CRTC3: variants seen among roughly 807,000 people sequenced by gnomAD.
The protein encoded by CRTC3 is CREB-regulated transcription coactivator 3.
Under a neutral mutation model 74.5 loss-of-function variants are expected in CRTC3, and 26 were observed. That is an observed-to-expected ratio of 0.35 (90% CI 0.26 to 0.48). The LOEUF (loss-of-function observed/expected upper bound fraction) is 0.48. Among genes scored for constraint, CRTC3 ranks in the 20% least tolerant of loss-of-function variants. The pLI is 0.99. For missense variants in CRTC3, 760 were observed against 787.3 expected, an observed-to-expected ratio of 0.97 and a Z score of 0.41; for synonymous variants, 377 against 325.8, an observed-to-expected ratio of 1.16 and a Z score of -1.69.
chr15:90,567,691 A>AAATAAAT (rs1967157274), intron 2 of CRTC3, among the ~76,000 whole-genome samples: 1 of 145,570 alleles, frequency 6.9e-6, no homozygotes. Context: ...TCCGTCTCAA[A>AAATAAAT]AAATAAATAA....
intron 2 of CRTC3, among the ~76,000 whole-genome samples, chr15:90,592,000 G>T (rs911792503): frequency 6.6e-6 from 1 of 152,010 alleles, no homozygotes; most frequent in Non-Finnish European, 1.5e-5. Context: ...ACTTTATTTT[G>T]TGAGTTTATA....
At chr15:90,622,248 G>A (rs1004331279) in intron 9 of CRTC3, among the ~76,000 whole-genome samples, 3 of 152,168 alleles carry the variant, frequency 2.0e-5, no homozygotes, top group African/African-American at 4.8e-5. Context: ...TGGTGACTCC[G>A]TTAGGTAGTA....
intron 2 of CRTC3, among the ~76,000 whole-genome samples, chr15:90,582,520 T>G (rs1363362276): frequency 3.3e-5 from 5 of 152,326 alleles, no homozygotes; most frequent in African/African-American, 1.2e-4. Context: ...GATCAACACT[T>G]TGCATTTAAA....
At position 90,630,238 on chromosome 15, in the gene CRTC3, G is replaced by A. The variant is rs566355350; in HGVS notation, c.1266+706G>A. On this transcript the variant is annotated intron_variant, in intron 11 of 14. Coordinates refer to ENST00000268184, the MANE Select transcript of CRTC3 (RefSeq NM_022769.5). ...GGAAAATCAGTCATTGACTCTCTAA[G>A]TACATTAAGCCATAGGGGAAAGCCA... is the stretch of plus-strand genomic sequence containing the variant. Among the ~76,000 whole-genome samples the A allele has an allele frequency of 2.3e-4, 35 of 152,266 alleles. 1 individual carries two copies. In the South Asian group the frequency reaches 5.4e-3, roughly 23 times the overall value.
At chr15:90,639,413 A>C (rs1244452233) in intron 13 of CRTC3, among the ~76,000 whole-genome samples, 1 of 151,566 alleles carries the variant, frequency 6.6e-6, no homozygotes, top group Non-Finnish European at 1.5e-5. Flanking sequence ...CCGATGGATT[A>C]AGGAGTGGAA....
At chr15:90,633,946 A>G (rs1270548534) in intron 11 of CRTC3, among the ~76,000 whole-genome samples, 1 of 151,052 alleles carries the variant, frequency 6.6e-6, no homozygotes, top group Non-Finnish European at 1.5e-5. Flanking sequence ...TTTTAATAGC[A>G]TCATACTTAT....
In CRTC3 at chr15:90,629,143, G is replaced by A. The variant is rs1379854140; in HGVS notation, c.968-91G>A. 2.0e-5 allele frequency: 24 copies of A among 1,219,268 alleles called. No individual in the cohort carries two copies. In the Middle Eastern group the frequency reaches 5.8e-4, roughly 29 times the overall value. The allele number at this position is 1,219,268 out of a possible 1,614,324, so 75.5% of individuals were successfully genotyped here. ...CTCCTTTACCTACAGAATCATCATC[G>A]CATGTGACAGTAGACAGTTTTCTTT... is the stretch of plus-strand genomic sequence containing the variant. On this transcript the variant is annotated intron_variant, in intron 10 of 14. Transcript: ENST00000268184.
At chr15:90,531,797 C>T (rs1173215636) in intron 1 of CRTC3, among the ~76,000 whole-genome samples, 2 of 152,148 alleles carry the variant, frequency 1.3e-5, no homozygotes, top group Non-Finnish European at 2.9e-5. Context: ...TGTACAAATA[C>T]ATGCACTGTA....
At chr15:90,622,430 C>G (rs1968683076) in intron 9 of CRTC3, among the ~76,000 whole-genome samples, 1 of 152,298 alleles carries the variant, frequency 6.6e-6, no homozygotes, top group Non-Finnish European at 1.5e-5. Flanking sequence ...CACCTGATCA[C>G]CCATGGATCT....
Position 90,530,085 on chromosome 15 carries a change from C to A in CRTC3, c.14C>A (p.Pro5Gln). The change falls in exon 1 of 15, where the codon CCG becomes CAG. Residue 5 changes from proline (P) to glutamine (Q), a missense_variant. Physicochemically the swap from Pro to Gln is moderately conservative, Grantham distance 76. Transcript: ENST00000268184. The surrounding 1 kb of genome is among the most constrained non-coding windows in gnomAD (Gnocchi z 6.2). Reference protein sequence around the residue: MAASPGSGSANPRKF... With the variant: MAASQGSGSANPRKF... ...AGAGTCCGCGCCATGGCCGCCTCGC[C>A]GGGCTCGGGCAGCGCCAACCCGCGG... 7.0e-7 allele frequency: 1 copy of A among 1,438,304 alleles called. No individual in the cohort carries two copies. The highest frequency in any genetic ancestry group is 1.2e-5 in the South Asian group (1 of 81,538). The allele number at this position is 1,438,304 out of a possible 1,614,324, so 89.1% of individuals were successfully genotyped here. A position where few individuals can be genotyped will look rare whatever the true frequency, so the allele number is the denominator to read the frequency against.
intron 2 of CRTC3, among the ~76,000 whole-genome samples, chr15:90,576,648 A>G (rs1431925098): frequency 1.3e-5 from 2 of 152,180 alleles, no homozygotes; most frequent in African/African-American, 2.4e-5. Flanking sequence ...CTGGAAAGAA[A>G]CACTCAGAGA....
chr15:90,531,602 A>G (rs1285280265), intron 1 of CRTC3, among the ~76,000 whole-genome samples: 1 of 152,134 alleles, frequency 6.6e-6, no homozygotes, highest in Non-Finnish European at 1.5e-5. Flanking sequence ...CTTATACCCT[A>G]TCAGCTTCAC....
rs1036983164 is a variant in CRTC3, at chr15:90,643,231, G to A, written c.*1091G>A. On this transcript the variant is annotated 3_prime_UTR_variant, in exon 15 of 15. Coordinates refer to ENST00000268184, the MANE Select transcript of CRTC3 (RefSeq NM_022769.5). ...CGTGCAGCGCATGATGAATGAGTGC[G>A]TCCGCCATGCCGTAAGGCAGGCTCA... 2.6e-5 allele frequency: 6 copies of A among 232,452 alleles called. No individual in the cohort carries two copies. The highest frequency in any genetic ancestry group is 3.4e-5 in the Non-Finnish European group (4 of 117,642). 14.4% of individuals were successfully genotyped at this position (232,452 alleles called of 1,614,324 possible).
chr15:90,570,947 GA>G (rs370795115), intron 2 of CRTC3, among the ~76,000 whole-genome samples: 41 of 152,244 alleles, frequency 2.7e-4, no homozygotes, highest in African/African-American at 9.6e-4. Context: ...ATACAGCTAT[GA>G]AAAAAACTAC....
At chr15:90,612,040 TCCTCCTCCTCCTCCTCCGCCTCCA>T (rs1215764437) in intron 6 of CRTC3, among the ~76,000 whole-genome samples, 15 of 115,340 alleles carry the variant, frequency 1.3e-4, no homozygotes, top group Middle Eastern at 4.1e-3. Flanking sequence ...CTCCTCCTCC[TCCTCCTCCTCCTCCTCCGCCTCCA>T]CCTCCTCCTC....
chr15:90,607,042 A>G (rs1400011913), intron 5 of CRTC3, among the ~76,000 whole-genome samples: 1 of 13,300 alleles, frequency 7.5e-5, no homozygotes, highest in African/African-American at 2.4e-4. Flanking sequence ...CCACAGGCTA[A>G]ACTGGCCACA....
intron 2 of CRTC3, among the ~76,000 whole-genome samples, chr15:90,553,207 A>G (rs1261809678): frequency 6.6e-6 from 1 of 152,078 alleles, no homozygotes; most frequent in East Asian, 1.9e-4. Flanking sequence ...AATTCTTTTT[A>G]AGAGTTCGTA....
At chr15:90,549,805 C>G (rs1054185254) in intron 2 of CRTC3, among the ~76,000 whole-genome samples, 2 of 150,530 alleles carry the variant, frequency 1.3e-5, no homozygotes, top group Non-Finnish European at 3.0e-5. Flanking sequence ...CAGGTTCAAG[C>G]GATTCTGCTG....
chr15:90,614,843 C>A (rs1968447612), intron 7 of CRTC3, among the ~76,000 whole-genome samples: 1 of 152,098 alleles, frequency 6.6e-6, no homozygotes, highest in African/African-American at 2.4e-5. Context: ...GTAGGTGGAT[C>A]ACTTGAAGTC....
Sources: allele counts gnomAD v4.1 joint callset (sites outside exome capture counted in the v4.1 genomes callset), GRCh38; gene constraint gnomAD v4.1.1; non-coding constraint Gnocchi (gnomAD v3.1); transcripts MANE v1.5; gene names NCBI Gene and HGNC (gene_info 2026-07-23, HGNC 2026-07-21).